ZBTB8A: variants seen among roughly 807,000 people sequenced by gnomAD.
The protein encoded by ZBTB8A is zinc finger and BTB domain-containing protein 8A.
Under a neutral mutation model 37.8 loss-of-function variants are expected in ZBTB8A, and 19 were observed. The observed-to-expected ratio is 0.50, with a 90% CI of 0.35 to 0.74. ZBTB8A has a LOEUF of 0.74. Ranked by LOEUF, ZBTB8A falls within the 30% of genes least tolerant of loss-of-function variation. ZBTB8A has a pLI of 0.01. For synonymous variants in ZBTB8A, 181 were observed against 185.2 expected (o/e 0.98, Z 0.19); for missense variants, 394 against 537.8 (o/e 0.73, Z 2.65).
intron 2 of ZBTB8A, among the ~76,000 whole-genome samples, chr1:32,562,649 T>C: frequency 6.8e-6 from 1 of 146,420 alleles, no homozygotes; most frequent in South Asian, 2.2e-4. Flanking sequence ...TGATCTCAGC[T>C]CACTGCAATC....
At chr1:32,589,289 C>T (rs182077031) in intron 2 of ZBTB8A, among the ~76,000 whole-genome samples, 4 of 152,094 alleles carry the variant, frequency 2.6e-5, no homozygotes, top group African/African-American at 7.2e-5. Context: ...CTTGCTCTGT[C>T]GCCTAGGCTG....
Position 32,567,552 on chromosome 1 carries a change from T to G in ZBTB8A, c.-2+14012T>G, listed in dbSNP as rs113595212. Among the ~76,000 whole-genome samples the G allele has an allele frequency of 4.6e-3, 707 of 152,094 alleles. 10 individuals are homozygous for G. Among genetic ancestry groups the G allele is most frequent in the East Asian group, 0.043 (225 of 5,180 alleles). On this transcript the variant is annotated intron_variant, in intron 2 of 4. Coordinates refer to ENST00000373510, the MANE Select transcript of ZBTB8A (RefSeq NM_001040441.3). ...GCTCACACCTGTAATCCCAGCACTT[T>G]GGGAGGCCGAGGCAGGCAGATCACA...
intron 2 of ZBTB8A, among the ~76,000 whole-genome samples, chr1:32,558,894 G>T (rs1211631913): frequency 6.6e-6 from 1 of 152,198 alleles, no homozygotes. Context: ...CCAGGCGCCT[G>T]CAGAGTTCTT....
In ZBTB8A at chr1:32,600,677, T is replaced by G; in HGVS notation, c.*258T>G. 1 of 369,382 alleles carries G rather than the reference T, an allele frequency of 2.7e-6. No individual in the cohort carries two copies. Among genetic ancestry groups the G allele is most frequent in the East Asian group, 4.6e-5 (1 of 21,530 alleles). The allele number at this position is 369,382 out of a possible 1,614,324, so 22.9% of individuals were successfully genotyped here. On this transcript the variant is annotated 3_prime_UTR_variant, in exon 5 of 5. Transcript: ENST00000373510. ...ATGAACAATTATCCTCTTACTTTCA[T>G]TACAATCCTCTTACTTTATTCCAGA...
chr1:32,576,331 C>G (rs1251439333), intron 2 of ZBTB8A, among the ~76,000 whole-genome samples: 1 of 152,170 alleles, frequency 6.6e-6, no homozygotes, highest in African/African-American at 2.4e-5. Flanking sequence ...CTGTTTTTCC[C>G]TTTTTCTTCA....
chr1:32,547,789 A>T (rs1179761908), intron 1 of ZBTB8A, among the ~76,000 whole-genome samples: 1 of 147,720 alleles, frequency 6.8e-6, no homozygotes, highest in East Asian at 2.0e-4. Flanking sequence ...AGCCTGAGCA[A>T]CAGAGAAAGA....
intron 2 of ZBTB8A, among the ~76,000 whole-genome samples, chr1:32,590,528 C>G (rs1462773785): frequency 6.6e-6 from 1 of 152,196 alleles, no homozygotes; most frequent in East Asian, 1.9e-4. Context: ...CCATTACTGG[C>G]CCACACAGCT....
intron 2 of ZBTB8A, among the ~76,000 whole-genome samples, chr1:32,560,435 G>C (rs1034846937): frequency 6.6e-6 from 1 of 151,854 alleles, no homozygotes; most frequent in Non-Finnish European, 1.5e-5. Context: ...TCATTTATTT[G>C]TCTTCTTTTC....
chr1:32,595,115 A>G lies in ZBTB8A; in HGVS notation c.885A>G (p.Ala295=). Residue 295 remains alanine (A), a synonymous_variant, in exon 4 of 5, where the codon GCA becomes GCG. Coordinates refer to ENST00000373510, the MANE Select transcript of ZBTB8A (RefSeq NM_001040441.3). ...PYCTHVVKRK[A]DLKRHLRCHT... ...GCACACATGTGGTGAAGCGGAAGGC[A>G]GACCTAAAGCGCCACCTTCGTTGTC... is the stretch of plus-strand genomic sequence containing the variant. The G allele has an allele frequency of 6.2e-7, 1 of 1,614,266 alleles. No individual in the cohort carries two copies. The highest frequency in any genetic ancestry group is 8.5e-7 in the Non-Finnish European group (1 of 1,180,054).
intron 2 of ZBTB8A, among the ~76,000 whole-genome samples, chr1:32,569,553 C>T (rs1644309413): frequency 6.6e-6 from 1 of 151,640 alleles, no homozygotes; most frequent in African/African-American, 2.4e-5. Flanking sequence ...GTCACCATGC[C>T]CAGCTAATTT....
chr1:32,579,277 C>T (rs113163842), intron 2 of ZBTB8A, among the ~76,000 whole-genome samples: 17,332 of 151,646 alleles, frequency 0.11, 1,099 homozygotes, highest in African/African-American at 0.18. Context: ...GGTGAAACCC[C>T]GTCTCTACTA....
chr1:32,565,719 A>AGTCCTATATTT (rs1644273413), intron 2 of ZBTB8A, among the ~76,000 whole-genome samples: 1 of 152,084 alleles, frequency 6.6e-6, no homozygotes. Context: ...ATTTCCCTTT[A>AGTCCTATATTT]GTCCTATATT....
At position 32,592,882 on chromosome 1, in the gene ZBTB8A, A is replaced by G. The variant is rs542249749; in HGVS notation, c.-1-49A>G. ...AGATCCTGTCTCAAAACAAAATAAA[A>G]TAATTGTAATGTAGGTTTTGGTAAC... On this transcript the variant is annotated intron_variant, in intron 2 of 4. Transcript: ENST00000373510. 7.6e-6 allele frequency: 11 copies of G among 1,442,568 alleles called. No homozygotes were observed. The South Asian group carries it at 1.3e-4, about 18-fold the overall frequency. The allele number at this position is 1,442,568 out of a possible 1,614,324, so 89.4% of individuals were successfully genotyped here.
At chr1:32,566,664 A>G (rs1419424932) in intron 2 of ZBTB8A, among the ~76,000 whole-genome samples, 1 of 152,182 alleles carries the variant, frequency 6.6e-6, no homozygotes, top group Non-Finnish European at 1.5e-5. Context: ...GACAATAGCT[A>G]TTGAGCCATA....
intron 4 of ZBTB8A, among the ~76,000 whole-genome samples, chr1:32,595,848 G>C (rs1395138260): frequency 6.6e-6 from 1 of 151,638 alleles, no homozygotes; most frequent in Non-Finnish European, 1.5e-5. Context: ...TGTAGAGATG[G>C]GGTTTCATCA....
At chr1:32,582,260 T>A (rs185674084) in intron 2 of ZBTB8A, among the ~76,000 whole-genome samples, 70 of 152,186 alleles carry the variant, frequency 4.6e-4, no homozygotes, top group African/African-American at 1.4e-3. Context: ...ATTTTCCAAT[T>A]AGGGATGCTG....
At chr1:32,568,333 G>A (rs977225895) in intron 2 of ZBTB8A, among the ~76,000 whole-genome samples, 20 of 149,980 alleles carry the variant, frequency 1.3e-4, no homozygotes, top group Admixed American at 1.1e-3. Flanking sequence ...CTCCTGTTTC[G>A]TTCCCAGTTT....
At chr1:32,582,422 C>T (rs747477624) in intron 2 of ZBTB8A, among the ~76,000 whole-genome samples, 14 of 152,072 alleles carry the variant, frequency 9.2e-5, no homozygotes, top group Non-Finnish European at 1.8e-4. Flanking sequence ...CCAAGGTGGG[C>T]GGATCACCTG....
At chr1:32,585,376 A>G (rs1225560498) in intron 2 of ZBTB8A, among the ~76,000 whole-genome samples, 2 of 152,064 alleles carry the variant, frequency 1.3e-5, no homozygotes, top group Non-Finnish European at 2.9e-5. Flanking sequence ...AGGTTGCTAC[A>G]TACCAGATTA....
Sources: allele counts gnomAD v4.1 joint callset (sites outside exome capture counted in the v4.1 genomes callset), GRCh38; gene constraint gnomAD v4.1.1; transcripts MANE v1.5; gene names NCBI Gene and HGNC (gene_info 2026-07-23, HGNC 2026-07-21).